Variants in NBAS observed in about 807,000 individuals in gnomAD.
NBAS encodes the protein NBAS subunit of NRZ tethering complex.
In NBAS, 219 loss-of-function variants were observed where a neutral mutation model predicts 302.5. That is an observed-to-expected ratio of 0.72 (90% CI 0.65 to 0.81). The LOEUF is 0.81. NBAS is among the 30% of genes least tolerant of loss of function. NBAS has a pLI of 0.00. For missense variants in NBAS, 2,932 were observed against 2,841.6 expected, an observed-to-expected ratio of 1.03 and a Z score of -0.72; for synonymous variants, 1,118 against 1,021.6, an observed-to-expected ratio of 1.09 and a Z score of -1.80.
intron 47 of NBAS, among the ~76,000 whole-genome samples, chr2:15,219,576 AC>A (rs1666832492): frequency 7.3e-6 from 1 of 136,246 alleles, no homozygotes; most frequent in Non-Finnish European, 1.5e-5. Context: ...CACATCTTGC[AC>A]CGCCCTTAAT....
At chr2:15,155,345 T>C in the NBAS span, among the ~76,000 whole-genome samples, 1 of 152,184 alleles carries the variant, frequency 6.6e-6, no homozygotes, top group East Asian at 1.9e-4. Flanking sequence ...GAGCTTCTTC[T>C]TATTTTTTTC....
chr2:15,060,596 G>A, the NBAS span, among the ~76,000 whole-genome samples: 1 of 152,156 alleles, frequency 6.6e-6, no homozygotes, highest in African/African-American at 2.4e-5. Flanking sequence ...AGGCAGATGA[G>A]GGAGCACACA....
the NBAS span, among the ~76,000 whole-genome samples, chr2:14,901,767 T>A: frequency 8.5e-5 from 13 of 152,306 alleles, no homozygotes; most frequent in East Asian, 2.5e-3. Flanking sequence ...ACAAGTTTCA[T>A]CTCTACCAGG....
chr2:15,297,806 C>T (rs1393258066), intron 40 of NBAS, among the ~76,000 whole-genome samples: 1 of 151,996 alleles, frequency 6.6e-6, no homozygotes, highest in Non-Finnish European at 1.5e-5. Context: ...CGTATTGTTC[C>T]AGGTAGACAT....
At chr2:15,142,356 T>C in the NBAS span, among the ~76,000 whole-genome samples, 2 of 152,198 alleles carry the variant, frequency 1.3e-5, no homozygotes, top group South Asian at 4.1e-4. Context: ...AGCAGATGAA[T>C]GTCACATCCG....
intron 38 of NBAS, among the ~76,000 whole-genome samples, chr2:15,310,331 T>C (rs1181893983): frequency 1.3e-5 from 2 of 152,170 alleles, no homozygotes; most frequent in East Asian, 3.9e-4. Flanking sequence ...GGAACATCAG[T>C]TATCCAAATA....
Position 15,238,657 on chromosome 2 carries a change from A to G in NBAS, c.5754T>C (p.Thr1918=). The G allele has an allele frequency of 6.2e-7, 1 of 1,611,348 alleles. No homozygotes were observed. The highest frequency in any genetic ancestry group is 8.5e-7 in the Non-Finnish European group (1 of 1,179,646). The change falls in exon 45 of 52, where the codon ACT becomes ACC. Residue 1918 remains threonine, a synonymous_variant. Transcript: ENST00000281513. ...KLSVEARKEM[T]RKAIKTVKHF... is the part of the protein sequence containing the mutation. ...GTTTGACTGTCTTAATAGCCTTTCT[A>G]GTCATCTCTTTACGGGCTTCCACAG...
At chr2:15,419,954 C>T (rs1677132680) in intron 23 of NBAS, among the ~76,000 whole-genome samples, 2 of 152,068 alleles carry the variant, frequency 1.3e-5, no homozygotes, top group Admixed American at 1.3e-4. Context: ...CCTCATGATT[C>T]GCCTGCCTCA....
the NBAS span, among the ~76,000 whole-genome samples, chr2:15,064,726 C>T: frequency 6.6e-6 from 1 of 152,128 alleles, no homozygotes; most frequent in Non-Finnish European, 1.5e-5. Flanking sequence ...TTTATGAGGT[C>T]AGCATTACCC....
chr2:15,174,622 T>C (rs888231911), intron 51 of NBAS, among the ~76,000 whole-genome samples: 2 of 152,218 alleles, frequency 1.3e-5, no homozygotes, highest in Non-Finnish European at 2.9e-5. Context: ...TAATATTATA[T>C]GCCTCAAGGT....
intron 21 of NBAS, among the ~76,000 whole-genome samples, chr2:15,448,950 A>G (rs1032014799): frequency 3.9e-5 from 6 of 152,194 alleles, no homozygotes; most frequent in Admixed American, 2.0e-4. Flanking sequence ...ACCATTCAGA[A>G]GATGTTACGA....
intron 48 of NBAS, among the ~76,000 whole-genome samples, chr2:15,196,284 A>G (rs1256054564): frequency 6.6e-6 from 1 of 152,226 alleles, no homozygotes; most frequent in East Asian, 1.9e-4. Flanking sequence ...AAAACTGCAT[A>G]GCACTAAATA....
chr2:15,381,351 T>C (rs968361954), intron 29 of NBAS, among the ~76,000 whole-genome samples: 1 of 152,208 alleles, frequency 6.6e-6, no homozygotes, highest in South Asian at 2.1e-4. Flanking sequence ...ATTTAAATTT[T>C]AAGTTTGTCA....
chr2:15,287,350 G>A (rs1294769408), intron 41 of NBAS, among the ~76,000 whole-genome samples, 167 bp from the exon 42 acceptor site: 1 of 152,186 alleles, frequency 6.6e-6, no homozygotes, highest in African/African-American at 2.4e-5. Context: ...CCAAGGAATT[G>A]TAATGCTCTT....
chr2:15,048,282 G>A, the NBAS span, among the ~76,000 whole-genome samples: 23 of 152,222 alleles, frequency 1.5e-4, no homozygotes, highest in African/African-American at 4.1e-4. Flanking sequence ...CAGTCCATCC[G>A]TGCCGGATGC....
At chr2:15,456,269 C>T (rs1258209343) in intron 21 of NBAS, among the ~76,000 whole-genome samples, 1 of 152,160 alleles carries the variant, frequency 6.6e-6, no homozygotes, top group Non-Finnish European at 1.5e-5. Context: ...GTGTCTGAAT[C>T]GAAAGTGGTT....
the NBAS span, among the ~76,000 whole-genome samples, chr2:14,810,687 A>G: frequency 2.5e-3 from 380 of 152,352 alleles, 2 homozygotes; most frequent in African/African-American, 8.8e-3. Flanking sequence ...TCAAAAAGGA[A>G]TAAAAATAGT....
the NBAS span, among the ~76,000 whole-genome samples, chr2:15,072,914 G>A: frequency 2.0e-5 from 3 of 152,100 alleles, no homozygotes; most frequent in Admixed American, 6.5e-5. Flanking sequence ...GGATCACTTC[G>A]AGCTCAGGAG....
chr2:15,341,005 A>G (rs1672822256), intron 35 of NBAS, among the ~76,000 whole-genome samples: 1 of 152,206 alleles, frequency 6.6e-6, no homozygotes, highest in Non-Finnish European at 1.5e-5. Flanking sequence ...TACTAAGTAT[A>G]AACTAAAGAA....
Sources: gnomAD v4.1 joint callset for allele counts (sites outside exome capture counted in the v4.1 genomes callset) on GRCh38, gnomAD v4.1.1 for gene constraint, MANE v1.5 for transcripts, NCBI Gene and HGNC (gene_info 2026-07-23, HGNC 2026-07-21) for gene names.